The following HIBCH variants were observed in gnomAD, a reference collection of about 807,000 sequenced individuals.
HIBCH encodes the protein 3-hydroxyisobutyryl-CoA hydrolase, mitochondrial.
HIBCH carries 50 observed loss-of-function variants against 58.2 expected under a neutral mutation model. The observed-to-expected ratio is 0.86, with a 90% CI of 0.68 to 1.09. The LOEUF is 1.09. Ranked by LOEUF, HIBCH falls within the 50% of genes least tolerant of loss-of-function variation. HIBCH has a pLI of 0.00. For synonymous variants in HIBCH, 151 were observed against 146.9 expected, an observed-to-expected ratio of 1.03 and a Z score of -0.20; for missense variants, 450 against 449.7, an observed-to-expected ratio of 1.00 and a Z score of -0.01.
At chr2:190,261,579 G>A (rs2105952503) in intron 6 of HIBCH, among the ~76,000 whole-genome samples, 1 of 151,330 alleles carries the variant, frequency 6.6e-6, no homozygotes, top group Non-Finnish European at 1.5e-5. Context: ...GAACAAATGT[G>A]TCTATTTATC....
chr2:190,317,953 A>T (rs543301161), intron 1 of HIBCH, among the ~76,000 whole-genome samples: 14 of 151,348 alleles, frequency 9.3e-5, no homozygotes, highest in African/African-American at 3.2e-4. Flanking sequence ...CCTCCCAAGC[A>T]GCTGGGATTA....
intron 6 of HIBCH, among the ~76,000 whole-genome samples, chr2:190,280,279 A>G (rs912649294): frequency 6.6e-6 from 1 of 152,112 alleles, no homozygotes; most frequent in African/African-American, 2.4e-5. Context: ...GGGGTTGGAG[A>G]GGTGGGCCCT....
chr2:190,242,331 T>G (rs1686477234), intron 11 of HIBCH, among the ~76,000 whole-genome samples: 1 of 152,050 alleles, frequency 6.6e-6, no homozygotes, highest in Non-Finnish European at 1.5e-5. Flanking sequence ...TAACCTTTTA[T>G]CAATGTTCTT....
At chr2:190,245,294 T>C (rs747682334) in intron 10 of HIBCH, 9 of 258,898 alleles carry the variant, frequency 3.5e-5, no homozygotes, top group South Asian at 1.4e-4. Context: ...CTTTTCCTCC[T>C]CTTGTTTCCC....
At chr2:190,227,992 G>A (rs190276170) in intron 11 of HIBCH, among the ~76,000 whole-genome samples, 8 of 152,284 alleles carry the variant, frequency 5.3e-5, no homozygotes, top group Non-Finnish European at 7.4e-5. Context: ...AGACAGTGTG[G>A]CAATTCCTCA....
intron 8 of HIBCH, chr2:190,251,685 T>TAA (rs551094989): frequency 1.2e-4 from 21 of 180,338 alleles, no homozygotes; most frequent in African/African-American, 2.9e-4. Context: ...GTTTTTTTTT[T>TAA]AAAAAAAAAA....
rs111910389 is a variant in HIBCH, at chr2:190,245,046, G to T, written c.810-78C>A. 1,382 of 909,580 alleles carry T rather than the reference G, an allele frequency of 1.5e-3. 2 individuals are homozygous for T. The highest frequency in any genetic ancestry group is 2.2e-3 in the Non-Finnish European group (1,217 of 542,050). The allele number at this position is 909,580 out of a possible 1,614,324, so 56.3% of individuals were successfully genotyped here. A position where few individuals can be genotyped will look rare whatever the true frequency, so the allele number is the denominator to read the frequency against. On this transcript the variant is annotated intron_variant, in intron 10 of 13. Transcript: ENST00000359678. ...TAACATACGATGAATCTGAACATAG[G>T]CTTTCCCCCACCTCTGTTTCAATAA...
At chr2:190,319,486 A>C in intron 1 of HIBCH, among the ~76,000 whole-genome samples, 1 of 151,616 alleles carries the variant, frequency 6.6e-6, no homozygotes, top group East Asian at 1.9e-4. Context: ...CTGAATTAAG[A>C]GCCAGAGTGG....
At chr2:190,257,014 G>A (rs1331864764) in intron 7 of HIBCH, among the ~76,000 whole-genome samples, 1 of 152,154 alleles carries the variant, frequency 6.6e-6, no homozygotes, top group East Asian at 1.9e-4. Flanking sequence ...AACGGAATGG[G>A]TGGAAAAAAA....
intron 6 of HIBCH, among the ~76,000 whole-genome samples, chr2:190,263,026 C>T (rs982256328): frequency 1.3e-5 from 2 of 152,116 alleles, no homozygotes; most frequent in African/African-American, 2.4e-5. Flanking sequence ...ATGGCAGATT[C>T]GTAACTAATT....
In HIBCH at chr2:190,264,906, T is replaced by G. The variant is rs1283393522; in HGVS notation, c.439-3672A>C. 1.5e-4 allele frequency among the ~76,000 whole-genome samples: 23 copies of G among 151,938 alleles called. 1 individual carries two copies. Among genetic ancestry groups the G allele is most frequent in the Non-Finnish European group, 1.5e-5 (1 of 67,986 alleles). ...GGGAGGCCGAGGTGGGCGGGTCACC[T>G]GAGATCAGGAGTTCGAGATCAGCCT... On this transcript the variant is annotated intron_variant, in intron 6 of 13. Transcript: ENST00000359678.
rs539966681 is a variant in HIBCH, at chr2:190,209,010, T to G, written c.1012-97A>C. 29 of 1,043,212 alleles carry G rather than the reference T, an allele frequency of 2.8e-5. No homozygotes were observed. The South Asian group carries it at 3.3e-4, about 12-fold the overall frequency. The allele number at this position is 1,043,212 out of a possible 1,614,324, so 64.6% of individuals were successfully genotyped here. A position where few individuals can be genotyped will look rare whatever the true frequency, so the allele number is the denominator to read the frequency against. On this transcript the variant is annotated intron_variant, in intron 12 of 13. Coordinates refer to ENST00000359678, the MANE Select transcript of HIBCH (RefSeq NM_014362.4). The surrounding 1 kb of genome is among the most constrained non-coding windows in gnomAD (Gnocchi z 5.6). ...TATTCACTTCAGCCTTCCACTCCCATGGCCACAACCTGAACCATGACATTC... is the reference window on the plus strand; with the variant it reads ...TATTCACTTCAGCCTTCCACTCCCAGGGCCACAACCTGAACCATGACATTC...
At chr2:190,274,474 T>A (rs1044398735) in intron 6 of HIBCH, among the ~76,000 whole-genome samples, 2 of 152,356 alleles carry the variant, frequency 1.3e-5, no homozygotes, top group East Asian at 3.9e-4. Flanking sequence ...ATTATTTTTA[T>A]TCCATTCCAA....
At chr2:190,229,301 A>G (rs1293164959) in intron 11 of HIBCH, among the ~76,000 whole-genome samples, 1 of 152,242 alleles carries the variant, frequency 6.6e-6, no homozygotes, top group African/African-American at 2.4e-5. Flanking sequence ...ACAGCAAATG[A>G]GGGATTAAGA....
chr2:190,247,002 C>CT (rs78433117), intron 9 of HIBCH, among the ~76,000 whole-genome samples: 288 of 142,736 alleles, frequency 2.0e-3, no homozygotes, highest in African/African-American at 4.1e-3. Context: ...TTAAATAAGA[C>CT]TTTTTTTTTT....
At chr2:190,262,161 G>GTCAAAAAAAAAAA (rs555160781) in intron 6 of HIBCH, among the ~76,000 whole-genome samples, 4 of 99,932 alleles carry the variant, frequency 4.0e-5, no homozygotes, top group Admixed American at 9.8e-5. Flanking sequence ...ATGCGGTAGA[G>GTCAAAAAAAAAAA]ACAAAAAAAA....
intron 11 of HIBCH, among the ~76,000 whole-genome samples, chr2:190,221,438 G>C (rs995640165): frequency 2.0e-5 from 3 of 152,216 alleles, no homozygotes; most frequent in African/African-American, 7.2e-5. Flanking sequence ...ATTTCCCTTA[G>C]CTTTCATGAG....
chr2:190,258,221 C>G (rs181322607), intron 7 of HIBCH, among the ~76,000 whole-genome samples: 7 of 152,310 alleles, frequency 4.6e-5, no homozygotes, highest in Admixed American at 4.6e-4. Flanking sequence ...GCACTTGCTT[C>G]CCCTTCATCT....
At chr2:190,194,392 A>G (rs529036508) in intron 1 of HIBCH, among the ~76,000 whole-genome samples, 2 of 151,320 alleles carry the variant, frequency 1.3e-5, no homozygotes, top group Non-Finnish European at 2.9e-5. Context: ...TGTATTTTTT[A>G]AAAAAATAAT....
Sources: allele counts gnomAD v4.1 joint callset (sites outside exome capture counted in the v4.1 genomes callset), GRCh38; gene constraint gnomAD v4.1.1; non-coding constraint Gnocchi (gnomAD v3.1); transcripts MANE v1.5; gene names NCBI Gene and HGNC (gene_info 2026-07-23, HGNC 2026-07-21).